The following MLLT3 variants were observed in gnomAD, a reference collection of about 807,000 sequenced individuals.
MLLT3 encodes the protein MLLT3 super elongation complex subunit, also known as protein AF-9.
Under a neutral mutation model 53.2 loss-of-function variants are expected in MLLT3, and 4 were observed. The observed-to-expected ratio is 0.08, with a 90% CI of 0.04 to 0.17. The LOEUF (loss-of-function observed/expected upper bound fraction) is 0.17, where lower values mean the gene tolerates loss of function less well. MLLT3 is among the 10% of genes least tolerant of loss of function. The probability of loss-of-function intolerance (pLI) is 1.00; values close to 1 mark genes in which losing one functional copy is unlikely to be tolerated. For missense variants in MLLT3, 569 were observed against 684.0 expected, an observed-to-expected ratio of 0.83 and a Z score of 1.87; for synonymous variants, 283 against 230.6, an observed-to-expected ratio of 1.23 and a Z score of -2.06.
intron 2 of MLLT3, among the ~76,000 whole-genome samples, chr9:20,466,928 T>G (rs1824251257): frequency 6.6e-6 from 1 of 152,130 alleles, no homozygotes; most frequent in Non-Finnish European, 1.5e-5. Flanking sequence ...GGTATGACTG[T>G]CAAAAGGAAG....
At chr9:20,602,130 T>A (rs1820439495) in intron 2 of MLLT3, among the ~76,000 whole-genome samples, 1 of 152,176 alleles carries the variant, frequency 6.6e-6, no homozygotes, top group African/African-American at 2.4e-5. Flanking sequence ...AGAGTACAAG[T>A]ATTTTAAATT....
At chr9:20,619,407 T>C (rs1820930052) in intron 2 of MLLT3, among the ~76,000 whole-genome samples, 1 of 149,952 alleles carries the variant, frequency 6.7e-6, no homozygotes, top group African/African-American at 2.5e-5. Context: ...TAAGCACCAA[T>C]ACAAACCTCT....
chr9:20,454,826 A>T (rs1823920371), intron 3 of MLLT3, among the ~76,000 whole-genome samples: 1 of 152,238 alleles, frequency 6.6e-6, no homozygotes, highest in Non-Finnish European at 1.5e-5. Context: ...TACCACTTAA[A>T]TTAAAAATAC....
chr9:20,427,240 A>T (rs529440931), intron 4 of MLLT3, among the ~76,000 whole-genome samples: 1 of 152,136 alleles, frequency 6.6e-6, no homozygotes, highest in Admixed American at 6.6e-5. Flanking sequence ...CCAAAAAGCG[A>T]CCAAGCAATA....
intron 2 of MLLT3, among the ~76,000 whole-genome samples, chr9:20,533,993 T>C (rs1818412108): frequency 6.6e-6 from 1 of 152,198 alleles, no homozygotes; most frequent in Non-Finnish European, 1.5e-5. Context: ...GATATGTGAA[T>C]TAATTTGTGG....
chr9:20,595,244 G>A (rs1820229342), intron 2 of MLLT3, among the ~76,000 whole-genome samples: 1 of 152,116 alleles, frequency 6.6e-6, no homozygotes, highest in Non-Finnish European at 1.5e-5. Context: ...GTGTGTGCCT[G>A]TGGATCCAGC....
At chr9:20,477,256 T>C (rs1232534680) in intron 2 of MLLT3, among the ~76,000 whole-genome samples, 1 of 152,178 alleles carries the variant, frequency 6.6e-6, no homozygotes, top group Non-Finnish European at 1.5e-5. Context: ...GTTTGCTCTA[T>C]TTGTCATGAT....
At position 20,527,314 on chromosome 9, in the gene MLLT3, G is replaced by A. The variant is rs527831769; in HGVS notation, c.194-70528C>T. Among the ~76,000 whole-genome samples the A allele has an allele frequency of 1.1e-4, 17 of 152,248 alleles. No individual in the cohort carries two copies. The South Asian group carries it at 3.3e-3, about 30-fold the overall frequency. On this transcript the variant is annotated intron_variant, in intron 2 of 10. Transcript: ENST00000380338. ...TAAGCAGCAAAATTCAACTCAGAAT[G>A]AGCCTTATTCCTGGATTAACATAAT...
chr9:20,347,641 A>G (rs948724120), intron 10 of MLLT3, among the ~76,000 whole-genome samples: 13 of 152,156 alleles, frequency 8.5e-5, no homozygotes, highest in Admixed American at 7.2e-4. Context: ...TGGATGCTGT[A>G]TCTGGGCAGT....
At chr9:20,428,282 A>G (rs990009505) in intron 4 of MLLT3, among the ~76,000 whole-genome samples, 10 of 152,130 alleles carry the variant, frequency 6.6e-5, no homozygotes, top group African/African-American at 2.4e-4. Context: ...GATTAACACA[A>G]ACTGAGTGTT....
At chr9:20,470,678 T>C (rs906065276) in intron 2 of MLLT3, among the ~76,000 whole-genome samples, 2 of 152,038 alleles carry the variant, frequency 1.3e-5, no homozygotes, top group African/African-American at 4.8e-5. Flanking sequence ...CTCTAGTTTC[T>C]TCCTGGGATG....
At chr9:20,413,647 T>A in intron 5 of MLLT3, 74 bp downstream of exon 5, 4 of 1,297,820 alleles carry the variant, frequency 3.1e-6, no homozygotes, top group Non-Finnish European at 3.2e-6. Context: ...TCTTCCCTCA[T>A]TCTTTATTAC....
chr9:20,613,678 A>G (rs1440104817), intron 2 of MLLT3, among the ~76,000 whole-genome samples: 1 of 152,172 alleles, frequency 6.6e-6, no homozygotes, highest in Non-Finnish European at 1.5e-5. Flanking sequence ...ATACATAATG[A>G]AAGATATGTG....
chr9:20,617,457 G>T (rs547991665), intron 2 of MLLT3, among the ~76,000 whole-genome samples: 5 of 152,048 alleles, frequency 3.3e-5, no homozygotes, highest in African/African-American at 1.2e-4. Context: ...ATAAGCAACA[G>T]ATTTCATATC....
intron 2 of MLLT3, among the ~76,000 whole-genome samples, chr9:20,583,935 T>A (rs1202160178): frequency 6.6e-6 from 1 of 152,234 alleles, no homozygotes; most frequent in African/African-American, 2.4e-5. Flanking sequence ...TGTAGAGGGC[T>A]TGAATTTCTC....
intron 5 of MLLT3, among the ~76,000 whole-genome samples, chr9:20,374,075 T>C (rs1182210125): frequency 6.6e-6 from 1 of 152,112 alleles, no homozygotes; most frequent in Non-Finnish European, 1.5e-5. Flanking sequence ...AATTTTTAAA[T>C]GTACATTTAA....
chr9:20,362,801 G>C (rs1248425973), intron 7 of MLLT3: 1 of 146,536 alleles, frequency 6.8e-6, no homozygotes, highest in East Asian at 2.1e-4. Context: ...AATGTAATTG[G>C]ATTTTAAATT....
chr9:20,365,680 G>A lies in MLLT3; in HGVS notation c.1190C>T (p.Thr397Ile). ...SSSSSFTPSQTRQQGPLRSIM... is the reference protein window; with the variant it reads ...SSSSSFTPSQIRQQGPLRSIM... Reference sequence around the variant, plus strand: ...TGAGATGTTGATACCTTGTTGCCTGGTCTGGGATGGTGTGAAGCTGGAGCT... The same window carrying A: ...TGAGATGTTGATACCTTGTTGCCTGATCTGGGATGGTGTGAAGCTGGAGCT... Residue 397 changes from threonine to isoleucine, a missense_variant, in exon 6 of 11, where the codon ACC (threonine) becomes ATC (isoleucine). Physicochemically the swap from Thr to Ile is moderately conservative, Grantham distance 89. Around this residue, in one of 5 missense-constraint regions of MLLT3, gnomAD observed 437 missense variants for 376.5 expected, o/e 1.16. Coordinates refer to ENST00000380338, the MANE Select transcript of MLLT3 (RefSeq NM_004529.4). 2.5e-6 allele frequency: 4 copies of A among 1,614,216 alleles called. No individual in the cohort carries two copies. The highest frequency in any genetic ancestry group is 3.4e-6 in the Non-Finnish European group (4 of 1,180,036).
rs1587143534 is a variant in MLLT3, at chr9:20,353,446, C to T, written c.1575+79G>A. 3.3e-6 allele frequency: 4 copies of T among 1,194,476 alleles called. No individual in the cohort carries two copies. In the East Asian group the frequency reaches 9.3e-5, roughly 28 times the overall value. 74.0% of individuals were successfully genotyped at this position (1,194,476 alleles called of 1,614,324 possible). ...TGATAGCGTGGGGCTGCAGTGGCCT[C>T]CAGGTGCTATCACACTACTGCAGGA... is the stretch of plus-strand genomic sequence containing the variant. On this transcript the variant is annotated intron_variant, in intron 10 of 10. Coordinates refer to ENST00000380338, the MANE Select transcript of MLLT3 (RefSeq NM_004529.4).
Sources: gnomAD v4.1 joint callset for allele counts (sites outside exome capture counted in the v4.1 genomes callset) on GRCh38, gnomAD v4.1.1 for gene constraint, gnomAD v4.1.1 regional missense constraint, MANE v1.5 for transcripts, NCBI Gene and HGNC (gene_info 2026-07-23, HGNC 2026-07-21) for gene names.